RBM24: variants seen among roughly 807,000 people sequenced by gnomAD.
The protein encoded by RBM24 is RNA-binding protein 24.
RBM24 carries 5 observed loss-of-function variants against 23.6 expected under a neutral mutation model. The ratio of observed to expected loss-of-function variants is 0.21; its 90% CI spans 0.11 to 0.45. The LOEUF (loss-of-function observed/expected upper bound fraction) is 0.45. Ranked by LOEUF, RBM24 falls within the 20% of genes least tolerant of loss-of-function variation. The pLI, the probability that RBM24 is intolerant of heterozygous loss-of-function variation, is 0.99. For missense variants in RBM24, 252 were observed against 314.6 expected, an observed-to-expected ratio of 0.80 and a Z score of 1.51; for synonymous variants, 151 against 129.5, an observed-to-expected ratio of 1.17 and a Z score of -1.13.
At chr6:17,287,832 T>C (rs1760242425) in intron 3 of RBM24, among the ~76,000 whole-genome samples, 1 of 151,616 alleles carries the variant, frequency 6.6e-6, no homozygotes, top group Non-Finnish European at 1.5e-5. Context: ...AAAAAACAAA[T>C]TTCTGGGCTA....
rs1244769865 is a variant in RBM24, at chr6:17,292,180, G to C, written c.*61G>C. On this transcript the variant is annotated 3_prime_UTR_variant, in exon 4 of 4. Coordinates refer to ENST00000379052, the MANE Select transcript of RBM24 (RefSeq NM_001143942.2). ...TTCCCTCCCAATTTTCCAATTTTTA[G>C]TAGCTAATAAGAGAGTTAACATTGA... 2.1e-6 allele frequency: 3 copies of C among 1,436,310 alleles called. No homozygotes were observed. The highest frequency in any genetic ancestry group is 3.1e-5 in the South Asian group (2 of 64,676). The allele number at this position is 1,436,310 out of a possible 1,614,324, so 89.0% of individuals were successfully genotyped here.
rs1459953491 is a variant in RBM24, at chr6:17,281,479, CG to C, written c.-101del. ...CCCCGGGCTCGCCCTTGGCCCCCGG[CG>C]GCCGCGAAAGGGTGCGGGAGACGCG... On this transcript the variant is annotated 5_prime_UTR_variant, in exon 1 of 4. Transcript: ENST00000379052. This position sits in a 1 kb window ranked among gnomAD's most constrained non-coding sequence, Gnocchi z 7.1. 7 of 1,087,884 alleles carry C rather than the reference CG, an allele frequency of 6.4e-6. No homozygotes were observed. The highest frequency in any genetic ancestry group is 8.1e-6 in the Non-Finnish European group (7 of 860,266). 67.4% of individuals were successfully genotyped at this position (1,087,884 alleles called of 1,614,324 possible). A position where few individuals can be genotyped will look rare whatever the true frequency, so the allele number is the denominator to read the frequency against.
intron 3 of RBM24, chr6:17,289,590 ACACCTTAATTCAGAGATACCAACCTAG>A: frequency 1.2e-5 from 12 of 985,408 alleles, no homozygotes; most frequent in Non-Finnish European, 1.4e-5. Context: ...TTTTCACTTA[ACACCTTAATTCAGAGATACCAACCTAG>A]CACCCACAGT....
chr6:17,284,864 A>G (rs1051569049), intron 3 of RBM24, among the ~76,000 whole-genome samples, 153 bp downstream of exon 3: 2 of 152,228 alleles, frequency 1.3e-5, no homozygotes, highest in East Asian at 1.9e-4. Flanking sequence ...CTGATACTAT[A>G]AATATTTTTA....
rs369388029 is a variant in RBM24, at chr6:17,291,976, G to T, written c.568G>T (p.Ala190Ser). Residue 190 changes from alanine (A) to serine (S), a missense_variant, in exon 4 of 4, where the codon GCT becomes TCT. Ala to Ser is a moderately conservative substitution (Grantham distance 99, BLOSUM62 1). Coordinates refer to ENST00000379052, the MANE Select transcript of RBM24 (RefSeq NM_001143942.2). The part of the protein sequence containing the change: ...ASPAAAGYVT[A>S]GGYGYAVQQP... Reference sequence around the variant, plus strand: ...TCCAGCTGCTGCAGGATATGTTACTGCTGGGGGCTATGGCTACGCAGTCCA... The same window carrying T: ...TCCAGCTGCTGCAGGATATGTTACTTCTGGGGGCTATGGCTACGCAGTCCA... 1 of 1,610,826 alleles carries T rather than the reference G, an allele frequency of 6.2e-7. No homozygotes were observed.
At chr6:17,285,228 T>C (rs1760157685) in intron 3 of RBM24, 1 of 148,786 alleles carries the variant, frequency 6.7e-6, no homozygotes, top group South Asian at 2.1e-4. Context: ...TCAATAGCCC[T>C]TCGTGTGCTT....
At chr6:17,282,151 G>T in intron 1 of RBM24, 1 of 1,241,326 alleles carries the variant, frequency 8.1e-7, no homozygotes, top group Non-Finnish European at 1.0e-6. Flanking sequence ...GGCTGGGGCA[G>T]GGAGGGGACA....
At chr6:17,291,659 C>T (rs1462591002) in intron 3 of RBM24, 97 bp from the exon 4 acceptor site, 2 of 1,345,658 alleles carry the variant, frequency 1.5e-6, no homozygotes, top group Non-Finnish European at 2.0e-6. Flanking sequence ...ACCCTATGCT[C>T]ATAATAACCA....
intron 3 of RBM24, among the ~76,000 whole-genome samples, chr6:17,291,364 T>C (rs921778589): frequency 1.3e-5 from 2 of 152,246 alleles, no homozygotes; most frequent in Admixed American, 6.5e-5. Context: ...TTCTATTTAC[T>C]TAATTAAACA....
At chr6:17,288,582 A>G (rs1760264694) in intron 3 of RBM24, 1 of 985,360 alleles carries the variant, frequency 1.0e-6, no homozygotes, top group East Asian at 1.1e-4. Flanking sequence ...TAAACGATAA[A>G]GCAAATTTCT....
chr6:17,288,444 CT>C (rs1431412731), intron 3 of RBM24: 1 of 983,530 alleles, frequency 1.0e-6, no homozygotes, highest in African/African-American at 1.7e-5. Context: ...GCATTGTAGA[CT>C]CTCTCCACAG....
chr6:17,288,634 G>A (rs951012213), intron 3 of RBM24: 43 of 985,272 alleles, frequency 4.4e-5, no homozygotes, highest in Non-Finnish European at 5.1e-5. Context: ...AGGGTGAGTG[G>A]GATTTGGATT....
In RBM24 at chr6:17,281,806, G is replaced by A; in HGVS notation, c.168+57G>A. On this transcript the variant is annotated intron_variant, in intron 1 of 3. Transcript: ENST00000379052. This position sits in a 1 kb window ranked among gnomAD's most constrained non-coding sequence, Gnocchi z 7.1. ...GGACGGAGTGGCGGCTGACCCCGGG[G>A]ATCGGGAGCTTGGAGTGAGGGGCTC... 3 of 1,536,810 alleles carry A rather than the reference G, an allele frequency of 2.0e-6. No homozygotes were observed. Among genetic ancestry groups the A allele is most frequent in the Non-Finnish European group, 2.6e-6 (3 of 1,137,826 alleles).
At chr6:17,283,548 G>T (rs1033283342) in intron 2 of RBM24, among the ~76,000 whole-genome samples, 1 of 152,108 alleles carries the variant, frequency 6.6e-6, no homozygotes, top group Non-Finnish European at 1.5e-5. Context: ...CTCCCAAGTA[G>T]CTGGGATTAC....
chr6:17,284,743 C>T (rs1398903704), intron 3 of RBM24, 32 bp downstream of exon 3: 4 of 1,540,420 alleles, frequency 2.6e-6, no homozygotes, highest in Admixed American at 1.7e-5. Context: ...TCTTAAGTTT[C>T]AGTATGACTA....
At chr6:17,287,655 A>G (rs947120433) in intron 3 of RBM24, among the ~76,000 whole-genome samples, 3 of 152,002 alleles carry the variant, frequency 2.0e-5, no homozygotes, top group Admixed American at 6.6e-5. Context: ...ATAAAAATAC[A>G]AAAAATTAGC....
At chr6:17,291,421 A>G (rs151241170) in intron 3 of RBM24, among the ~76,000 whole-genome samples, 84 of 152,326 alleles carry the variant, frequency 5.5e-4, no homozygotes, top group South Asian at 2.1e-3. Context: ...GTCTTCATCA[A>G]TTGAGCACTT....
At chr6:17,282,333 C>A in intron 1 of RBM24, 1 of 1,027,796 alleles carries the variant, frequency 9.7e-7, no homozygotes. Context: ...GAGCAGGGAG[C>A]CCCAGAGTAG....
At chr6:17,290,926 A>T (rs1466885078) in intron 3 of RBM24, 1 of 1,244,652 alleles carries the variant, frequency 8.0e-7, no homozygotes, top group South Asian at 1.2e-5. Context: ...TATGAATTTT[A>T]TGGGGGAAAA....
Sources: gnomAD v4.1 joint callset for allele counts (sites outside exome capture counted in the v4.1 genomes callset) on GRCh38, gnomAD v4.1.1 for gene constraint, Gnocchi (gnomAD v3.1) non-coding constraint, MANE v1.5 for transcripts, NCBI Gene and HGNC (gene_info 2026-07-23, HGNC 2026-07-21) for gene names.